MYO3A: variants seen among roughly 807,000 people sequenced by gnomAD.
MYO3A encodes the protein myosin IIIA, also known as myosin-IIIa.
Under a neutral mutation model 192.7 loss-of-function variants are expected in MYO3A, and 180 were observed. The ratio of observed to expected loss-of-function variants is 0.93; its 90% CI spans 0.83 to 1.06. The LOEUF (loss-of-function observed/expected upper bound fraction) is 1.06. Ranked by LOEUF, MYO3A falls within the 50% of genes least tolerant of loss-of-function variation. The pLI is 0.00. For synonymous variants in MYO3A, 628 were observed against 645.3 expected, an observed-to-expected ratio of 0.97 and a Z score of 0.41; for missense variants, 1,896 against 1,905.0, an observed-to-expected ratio of 1.00 and a Z score of 0.09.
At chr10:26,014,810 A>G (rs900871080) in intron 6 of MYO3A, among the ~76,000 whole-genome samples, 2 of 152,196 alleles carry the variant, frequency 1.3e-5, no homozygotes. Flanking sequence ...ATTAACAATG[A>G]CAAAAACTAT....
At chr10:26,009,363 C>A (rs926579526) in intron 6 of MYO3A, among the ~76,000 whole-genome samples, 1 of 151,956 alleles carries the variant, frequency 6.6e-6, no homozygotes, top group East Asian at 1.9e-4. Context: ...TGCACATGTA[C>A]CCTAAAACTT....
intron 6 of MYO3A, among the ~76,000 whole-genome samples, chr10:26,004,129 G>A (rs2130949721): frequency 6.6e-6 from 1 of 152,300 alleles, no homozygotes; most frequent in East Asian, 1.9e-4. Context: ...TCTGAGAGGG[G>A]TAAGGAAGGT....
At chr10:25,943,231 T>G (rs1836614355) in intron 2 of MYO3A, among the ~76,000 whole-genome samples, 1 of 152,088 alleles carries the variant, frequency 6.6e-6, no homozygotes, top group African/African-American at 2.4e-5. Flanking sequence ...ACTATATTTC[T>G]GGGCTATTTC....
chr10:25,986,135 G>A (rs1341590765), intron 4 of MYO3A, among the ~76,000 whole-genome samples: 3 of 152,076 alleles, frequency 2.0e-5, no homozygotes, highest in Non-Finnish European at 2.9e-5. Flanking sequence ...TGCAGAAAAA[G>A]CATTTGACAA....
At chr10:26,195,225 A>G (rs12764197) in intron 32 of MYO3A, among the ~76,000 whole-genome samples, 31,310 of 152,004 alleles carry the variant, frequency 0.21, 3,747 homozygotes, top group African/African-American at 0.32. Context: ...AATTTTACAA[A>G]CCAGTAATCT....
chr10:26,188,859 G>C (rs1054339119), intron 31 of MYO3A, among the ~76,000 whole-genome samples: 3 of 152,086 alleles, frequency 2.0e-5, no homozygotes, highest in Admixed American at 6.5e-5. Flanking sequence ...CTCTGTTTTG[G>C]TATCAGTACC....
chr10:25,934,639 G>A (rs1418023079), intron 1 of MYO3A, among the ~76,000 whole-genome samples: 13 of 151,518 alleles, frequency 8.6e-5, no homozygotes, highest in African/African-American at 2.4e-4. Context: ...GAACTTGAGG[G>A]GGAAACGGGG....
chr10:26,094,637 G>A (rs1836901624), intron 15 of MYO3A, among the ~76,000 whole-genome samples: 3 of 152,054 alleles, frequency 2.0e-5, no homozygotes, highest in Admixed American at 1.3e-4. Flanking sequence ...TGTTAGCCAG[G>A]ATGGTCTCGA....
chr10:26,130,325 T>TG (rs1367904830), intron 20 of MYO3A, among the ~76,000 whole-genome samples: 3 of 152,138 alleles, frequency 2.0e-5, no homozygotes, highest in African/African-American at 7.2e-5. Context: ...AGGGTGGTCT[T>TG]GAAATCCTGG....
intron 2 of MYO3A, among the ~76,000 whole-genome samples, chr10:25,939,973 A>G (rs1347580974): frequency 6.6e-6 from 1 of 152,072 alleles, no homozygotes; most frequent in Admixed American, 6.5e-5. Flanking sequence ...CATGCCTCTA[A>G]TAAATATTTT....
chr10:26,122,771 C>T (rs1410387688), intron 18 of MYO3A, among the ~76,000 whole-genome samples: 1 of 152,074 alleles, frequency 6.6e-6, no homozygotes, highest in Non-Finnish European at 1.5e-5. Flanking sequence ...TTACTGGTTT[C>T]CCATTCTTGC....
intron 15 of MYO3A, 93 bp from the exon 16 acceptor site, chr10:26,096,288 C>T (rs1241352278): frequency 3.2e-6 from 3 of 944,152 alleles, no homozygotes; most frequent in Non-Finnish European, 5.0e-6. Flanking sequence ...CATATCAGCA[C>T]TCACAGTCGT....
In MYO3A at chr10:26,070,366, C is replaced by A. The variant is rs142415484; in HGVS notation, c.1324C>A (p.His442Asn). 269 of 1,613,180 alleles carry A rather than the reference C, an allele frequency of 1.7e-4. 2 individuals carry two copies. The East Asian group carries it at 5.9e-3, about 35-fold the overall frequency. Residue 442 changes from histidine to asparagine, a missense_variant, in exon 14 of 35, where the codon CAT becomes AAT. Coordinates refer to ENST00000642920, the MANE Select transcript of MYO3A (RefSeq NM_017433.5). ...ESGAGKTENA[H>N]LLVQQLTVLG... ...TGGTGCTGGAAAGACTGAAAATGCT[C>A]ATCTTTTAGTTCAGCAGCTGACAGT...
At chr10:25,961,602 C>T (rs982210236) in intron 4 of MYO3A, among the ~76,000 whole-genome samples, 2 of 151,718 alleles carry the variant, frequency 1.3e-5, no homozygotes, top group African/African-American at 4.8e-5. Context: ...AATGGTATTT[C>T]CAAAATCTGA....
At chr10:26,101,632 A>T (rs994521960) in intron 17 of MYO3A, among the ~76,000 whole-genome samples, 1 of 152,044 alleles carries the variant, frequency 6.6e-6, no homozygotes, top group African/African-American at 2.4e-5. Flanking sequence ...TCTGTAAAGG[A>T]TTTTCTTTCT....
At chr10:25,937,262 G>A (rs1836145055) in intron 2 of MYO3A, among the ~76,000 whole-genome samples, 1 of 152,158 alleles carries the variant, frequency 6.6e-6, no homozygotes. Context: ...TTGCCACATT[G>A]CTGCCATCCT....
intron 10 of MYO3A, among the ~76,000 whole-genome samples, chr10:26,031,482 C>G (rs1462041152): frequency 3.3e-5 from 5 of 152,202 alleles, no homozygotes; most frequent in Non-Finnish European, 5.9e-5. Context: ...GTGTAGGTCA[C>G]AGGCCCACAC....
intron 4 of MYO3A, among the ~76,000 whole-genome samples, chr10:25,988,939 C>CTTTTTTTTTTTTTTTTTTTTT (rs56308717): frequency 1.1e-4 from 13 of 117,014 alleles, no homozygotes; most frequent in Non-Finnish European, 2.3e-4. Flanking sequence ...CCCTAAAACT[C>CTTTTTTTTTTTTTTTTTTTTT]TTTTTTTTTT....
intron 10 of MYO3A, among the ~76,000 whole-genome samples, chr10:26,049,743 A>G (rs1843875688): frequency 7.0e-6 from 1 of 141,868 alleles, no homozygotes; most frequent in African/African-American, 2.6e-5. Flanking sequence ...CAGTGGCGCA[A>G]TCTCAGCTCA....
Sources: gnomAD v4.1 joint callset for allele counts (sites outside exome capture counted in the v4.1 genomes callset) on GRCh38, gnomAD v4.1.1 for gene constraint, MANE v1.5 for transcripts, NCBI Gene and HGNC (gene_info 2026-07-23, HGNC 2026-07-21) for gene names.